The following BTBD9 variants were observed in gnomAD, a reference collection of about 807,000 sequenced individuals.
BTBD9 encodes the protein BTB domain containing 9.
BTBD9 carries 49 observed loss-of-function variants against 64.3 expected under a neutral mutation model. The observed-to-expected ratio is 0.76, with a 90% CI of 0.61 to 0.97. The LOEUF is 0.97. BTBD9 is among the 50% of genes least tolerant of loss of function. The pLI is 0.00. For synonymous variants in BTBD9, 260 were observed against 274.7 expected, an observed-to-expected ratio of 0.95 and a Z score of 0.53; for missense variants, 598 against 762.1, an observed-to-expected ratio of 0.78 and a Z score of 2.53.
At chr6:38,280,355 C>G (rs910079423) in intron 8 of BTBD9, among the ~76,000 whole-genome samples, 2 of 152,106 alleles carry the variant, frequency 1.3e-5, no homozygotes, top group African/African-American at 4.8e-5. Context: ...CAGATAGGCT[C>G]AGAGAGAAAC....
intron 6 of BTBD9, among the ~76,000 whole-genome samples, chr6:38,365,476 T>C (rs929075639): frequency 6.6e-6 from 1 of 152,168 alleles, no homozygotes; most frequent in Non-Finnish European, 1.5e-5. Context: ...ATGTGGTGGC[T>C]CACACCTGTA....
chr6:38,200,531 C>T (rs998093097), intron 9 of BTBD9, among the ~76,000 whole-genome samples: 4 of 151,836 alleles, frequency 2.6e-5, no homozygotes, highest in African/African-American at 7.3e-5. Context: ...GCTAGACTAA[C>T]CAAGAAGACA....
Position 38,594,242 on chromosome 6 carries a change from G to C in BTBD9, c.271C>G (p.Leu91Val). The C allele has an allele frequency of 6.2e-7, 1 of 1,614,076 alleles. No homozygotes were observed. The highest frequency in any genetic ancestry group is 8.5e-7 in the Non-Finnish European group (1 of 1,179,988). The change falls in exon 3 of 11, where the codon CTA becomes GTA. Residue 91 changes from leucine to valine, a missense_variant. Leu to Val is a conservative substitution (Grantham distance 32, BLOSUM62 1). Coordinates refer to ENST00000481247, the MANE Select transcript of BTBD9 (RefSeq NM_001099272.2). ...CGCCCAGTGTAGATATATTTGAGTA[G>C]CATTGTGAATGCTTCTGCAGTGGTG... ...QDTTAEAFTM[L>V]LKYIYTGRAT...
intron 6 of BTBD9, among the ~76,000 whole-genome samples, chr6:38,394,498 A>G (rs1328137864): frequency 6.6e-6 from 1 of 152,208 alleles, no homozygotes; most frequent in Non-Finnish European, 1.5e-5. Flanking sequence ...GAGGGGCTAA[A>G]AAGAAATTTT....
intron 9 of BTBD9, among the ~76,000 whole-genome samples, chr6:38,202,358 C>A: frequency 6.6e-6 from 1 of 151,492 alleles, no homozygotes; most frequent in South Asian, 2.1e-4. Context: ...TGGGATTACA[C>A]ACGTGAGCCA....
chr6:38,497,921 T>C (rs944836841), intron 6 of BTBD9, among the ~76,000 whole-genome samples: 4 of 152,218 alleles, frequency 2.6e-5, no homozygotes, highest in Admixed American at 2.6e-4. Context: ...TAGCAACAGC[T>C]AGGTTTATAG....
chr6:38,609,323 T>A (rs1777534415), intron 1 of BTBD9, among the ~76,000 whole-genome samples: 1 of 152,060 alleles, frequency 6.6e-6, no homozygotes, highest in African/African-American at 2.4e-5. Flanking sequence ...TGAGCCATAA[T>A]CACACCACTG....
chr6:38,284,014 T>G (rs1483939704), intron 8 of BTBD9, among the ~76,000 whole-genome samples: 1 of 152,246 alleles, frequency 6.6e-6, no homozygotes, highest in African/African-American at 2.4e-5. Context: ...TGCCAAGATC[T>G]CCAGCATTGT....
chr6:38,488,401 G>C (rs1279772015), intron 6 of BTBD9, among the ~76,000 whole-genome samples: 1 of 152,158 alleles, frequency 6.6e-6, no homozygotes, highest in East Asian at 1.9e-4. Flanking sequence ...GGAAGAATCA[G>C]AATTATCCAG....
Position 38,597,780 on chromosome 6 carries a change from T to C in BTBD9, c.185+130A>G, listed in dbSNP as rs150651147. ...TAACAAAGTCTACAAGGATGAAATCTTCATAGATATTGAATTGAGAGACTG... is the reference window on the plus strand; with the variant it reads ...TAACAAAGTCTACAAGGATGAAATCCTCATAGATATTGAATTGAGAGACTG... On this transcript the variant is annotated intron_variant, in intron 2 of 10. Coordinates refer to ENST00000481247, the MANE Select transcript of BTBD9 (RefSeq NM_001099272.2). The C allele has an allele frequency of 6.9e-3, 5,212 of 756,176 alleles. 34 individuals carry two copies. Among genetic ancestry groups the C allele is most frequent in the Non-Finnish European group, 9.5e-3 (4,462 of 470,932 alleles). 46.8% of individuals were successfully genotyped at this position (756,176 alleles called of 1,614,324 possible).
chr6:38,325,684 C>G (rs1203582143), intron 7 of BTBD9, among the ~76,000 whole-genome samples: 2 of 151,956 alleles, frequency 1.3e-5, no homozygotes, highest in Admixed American at 1.3e-4. Flanking sequence ...GACTCCGTCT[C>G]AAAAACAAAA....
chr6:38,447,138 G>A (rs1769310144), intron 6 of BTBD9, among the ~76,000 whole-genome samples: 1 of 152,158 alleles, frequency 6.6e-6, no homozygotes, highest in Admixed American at 6.5e-5. Flanking sequence ...GCAAGTAAAT[G>A]AAAATATATC....
At chr6:38,350,276 C>T (rs898719055) in intron 6 of BTBD9, among the ~76,000 whole-genome samples, 1 of 152,190 alleles carries the variant, frequency 6.6e-6, no homozygotes, top group African/African-American at 2.4e-5. Flanking sequence ...CTTAATCTAG[C>T]TTTCCGTCAT....
intron 8 of BTBD9, among the ~76,000 whole-genome samples, chr6:38,274,712 C>T (rs1046707545): frequency 6.6e-6 from 1 of 152,158 alleles, no homozygotes; most frequent in African/African-American, 2.4e-5. Context: ...ACCAGCCTTG[C>T]ATCCCAGGGA....
At position 38,622,662 on chromosome 6, in the gene BTBD9, G is replaced by A. The variant is rs557084411; in HGVS notation, c.-28+17138C>T. 1.5e-4 allele frequency among the ~76,000 whole-genome samples: 23 copies of A among 152,204 alleles called. 1 individual carries two copies. Among genetic ancestry groups the A allele is most frequent in the Admixed American group, 2.0e-4 (3 of 15,306 alleles). On this transcript the variant is annotated intron_variant, in intron 1 of 10. Coordinates refer to ENST00000481247, the MANE Select transcript of BTBD9 (RefSeq NM_001099272.2). Reference sequence around the variant, plus strand: ...ACATGGCCCTGTAACCACGAACACCGTGTTAACTTTCCAAGCCCCTTTATG... The same window carrying A: ...ACATGGCCCTGTAACCACGAACACCATGTTAACTTTCCAAGCCCCTTTATG...
At chr6:38,310,708 G>T (rs982377737) in intron 7 of BTBD9, among the ~76,000 whole-genome samples, 4 of 152,028 alleles carry the variant, frequency 2.6e-5, no homozygotes, top group Non-Finnish European at 5.9e-5. Flanking sequence ...TATTTACGGG[G>T]TATACGAAAT....
At chr6:38,613,487 T>C (rs924129291) in intron 1 of BTBD9, among the ~76,000 whole-genome samples, 2 of 152,120 alleles carry the variant, frequency 1.3e-5, no homozygotes, top group African/African-American at 2.4e-5. Context: ...CTGGGCATGA[T>C]GGCGGGTCCC....
intron 7 of BTBD9, among the ~76,000 whole-genome samples, chr6:38,341,271 T>A (rs1314483684): frequency 6.6e-6 from 1 of 152,340 alleles, no homozygotes; most frequent in East Asian, 1.9e-4. Context: ...TCTTAAGGAA[T>A]TACTGTTCAG....
chr6:38,626,031 C>T (rs1778151375), intron 1 of BTBD9, among the ~76,000 whole-genome samples: 2 of 152,232 alleles, frequency 1.3e-5, no homozygotes, highest in African/African-American at 4.8e-5. Context: ...TAAGTTAAGT[C>T]TATACTCCCA....
Sources: gnomAD v4.1 joint callset for allele counts (sites outside exome capture counted in the v4.1 genomes callset) on GRCh38, gnomAD v4.1.1 for gene constraint, MANE v1.5 for transcripts, NCBI Gene and HGNC (gene_info 2026-07-23, HGNC 2026-07-21) for gene names.